Variants in SLC12A7 observed in about 807,000 individuals in gnomAD.
The protein encoded by SLC12A7 is solute carrier family 12 member 7, also known as K-Cl cotransporter 4.
In SLC12A7, 100 loss-of-function variants were observed where a neutral mutation model predicts 120.6. That is an observed-to-expected ratio of 0.83 (90% CI 0.71 to 0.98). SLC12A7 has a LOEUF of 0.98. SLC12A7 is among the 50% of genes least tolerant of loss of function. The probability of loss-of-function intolerance (pLI) is 0.00; values close to 1 mark genes in which losing one functional copy is unlikely to be tolerated. For missense variants in SLC12A7, 1,373 were observed against 1,548.1 expected, an observed-to-expected ratio of 0.89 and a Z score of 1.90; for synonymous variants, 760 against 678.0, an observed-to-expected ratio of 1.12 and a Z score of -1.88.
At chr5:1,104,242 A>C (rs976231424) in intron 1 of SLC12A7, among the ~76,000 whole-genome samples, 1 of 152,212 alleles carries the variant, frequency 6.6e-6, no homozygotes, top group Admixed American at 6.5e-5. Flanking sequence ...AGAGCCAAGG[A>C]GATGAGAGGT....
chr5:1,104,868 C>T (rs1387654325), intron 1 of SLC12A7, among the ~76,000 whole-genome samples: 1 of 152,250 alleles, frequency 6.6e-6, no homozygotes, highest in African/African-American at 2.4e-5. Context: ...CGTCACAGCC[C>T]AGGGCCGCAA....
intron 1 of SLC12A7, among the ~76,000 whole-genome samples, chr5:1,104,004 C>T (rs1348612484): frequency 6.6e-6 from 1 of 152,234 alleles, no homozygotes; most frequent in Non-Finnish European, 1.5e-5. Context: ...AGGCAGGGCC[C>T]CCAGCGCACC....
intron 12 of SLC12A7, 145 bp from the exon 13 acceptor site, chr5:1,076,957 G>A (rs920543520): frequency 9.2e-6 from 6 of 650,474 alleles, no homozygotes; most frequent in Admixed American, 2.3e-5. Flanking sequence ...GGGACATCAC[G>A]CGGCTGGCCT....
intron 9 of SLC12A7, among the ~76,000 whole-genome samples, chr5:1,081,069 GAGAGAGAC>G (rs1160473121): frequency 3.5e-5 from 1 of 28,956 alleles, no homozygotes; most frequent in African/African-American, 4.5e-5. Context: ...CAGAGAGAGA[GAGAGAGAC>G]AGACAGAGAG....
the SLC12A7 span, among the ~76,000 whole-genome samples, chr5:1,130,645 G>C: frequency 8.9e-6 from 1 of 112,212 alleles, no homozygotes; most frequent in Non-Finnish European, 2.0e-5. Context: ...GGGAGGGCGT[G>C]CTGCATTCTT....
At chr5:1,087,382 T>C (rs1739985163) in intron 5 of SLC12A7, among the ~76,000 whole-genome samples, 1 of 152,206 alleles carries the variant, frequency 6.6e-6, no homozygotes, top group Non-Finnish European at 1.5e-5. Context: ...GTTTTGCTTA[T>C]GAAAAAGGCA....
At chr5:1,118,966 C>T in the SLC12A7 span, among the ~76,000 whole-genome samples, 1 of 152,160 alleles carries the variant, frequency 6.6e-6, no homozygotes, top group African/African-American at 2.4e-5. Context: ...GCACCCAGAG[C>T]CAGACCTCCC....
chr5:1,104,619 G>A (rs75762732), intron 1 of SLC12A7, among the ~76,000 whole-genome samples: 2 of 152,198 alleles, frequency 1.3e-5, no homozygotes, highest in Non-Finnish European at 2.9e-5. Flanking sequence ...AGGCCTGGGC[G>A]GGGCCCACTC....
intron 5 of SLC12A7, among the ~76,000 whole-genome samples, chr5:1,087,587 C>A (rs770434993): frequency 6.6e-6 from 1 of 152,186 alleles, no homozygotes; most frequent in Non-Finnish European, 1.5e-5. Context: ...CCCTTGGCTG[C>A]GGAGGGAGAC....
the SLC12A7 span, among the ~76,000 whole-genome samples, chr5:1,149,885 C>T: frequency 2.0e-5 from 3 of 152,104 alleles, no homozygotes; most frequent in African/African-American, 7.2e-5. Flanking sequence ...AAAAAATTAG[C>T]TGGGCATGGT....
the SLC12A7 span, among the ~76,000 whole-genome samples, chr5:1,152,373 G>A: frequency 9.9e-5 from 15 of 152,242 alleles, no homozygotes; most frequent in Non-Finnish European, 1.9e-4. Flanking sequence ...TGCTGAGCAG[G>A]AAGTGGCACC....
chr5:1,086,520 C>T (rs916995019), intron 6 of SLC12A7, among the ~76,000 whole-genome samples: 1 of 152,206 alleles, frequency 6.6e-6, no homozygotes, highest in Non-Finnish European at 1.5e-5. Context: ...CGGCCAAGTG[C>T]CCAGATCAGG....
At chr5:1,110,821 C>T (rs905939800) in intron 1 of SLC12A7, among the ~76,000 whole-genome samples, 1 of 152,232 alleles carries the variant, frequency 6.6e-6, no homozygotes, top group Non-Finnish European at 1.5e-5. Flanking sequence ...TCGCCCGCCA[C>T]GGGGACCCTG....
rs374801750 is a variant in SLC12A7 at position 1,087,038 on chromosome 5, G to A, written c.545-5C>T. 4.6e-5 allele frequency: 74 copies of A among 1,609,800 alleles called. No homozygotes were observed. Among genetic ancestry groups the A allele is most frequent in the African/African-American group, 4.3e-4 (32 of 74,974 alleles). The stretch of plus-strand genomic sequence containing the variant: ...TCATGTAGTAGGACCCGCCAGCTGC[G>A]GAGACAAAGGCGGCAGCCGCGGGTC... On this transcript the variant is annotated splice_polypyrimidine_tract_variant and splice_region_variant and intron_variant, in intron 5 of 23. Transcript: ENST00000264930.
At chr5:1,119,454 G>T in the SLC12A7 span, among the ~76,000 whole-genome samples, 1 of 152,220 alleles carries the variant, frequency 6.6e-6, no homozygotes, top group Non-Finnish European at 1.5e-5. Context: ...TCCCTGCCCG[G>T]GTGACGCCGA....
At chr5:1,078,494 T>G in intron 11 of SLC12A7, 1 of 611,262 alleles carries the variant, frequency 1.6e-6, no homozygotes, top group Non-Finnish European at 3.0e-6. Flanking sequence ...GGGCTTGGAG[T>G]TGGCTCTGAA....
At chr5:1,095,491 C>G (rs1741039915) in intron 1 of SLC12A7, among the ~76,000 whole-genome samples, 1 of 152,246 alleles carries the variant, frequency 6.6e-6, no homozygotes, top group South Asian at 2.1e-4. Context: ...CACACCAGCT[C>G]CCCAGACTGG....
At chr5:1,077,062 C>CCA (rs957308674) in intron 12 of SLC12A7, among the ~76,000 whole-genome samples, 3 of 151,776 alleles carry the variant, frequency 2.0e-5, no homozygotes, top group Non-Finnish European at 4.4e-5. Context: ...CAGCCTGCCC[C>CCA]CCCGCCTCAG....
rs146019944 is a variant in SLC12A7 at position 1,073,688 on chromosome 5, G to A, written c.2186C>T (p.Ser729Leu). 1.7e-4 allele frequency: 268 copies of A among 1,589,350 alleles called. 2 individuals carry two copies. In the African/African-American group the frequency reaches 2.3e-3, roughly 13 times the overall value. ...KAGKGLTIVG[S>L]VLEGTYLDKH... is the part of the protein sequence containing the mutation. The stretch of plus-strand genomic sequence containing the variant: ...GTCCAGGTACGTCCCCTCCAGCACC[G>A]AGCCCACGATGGTCAGGCCCTTGCC... Residue 729 changes from serine to leucine, a missense_variant, in exon 17 of 24, where the codon TCG (serine) becomes TTG (leucine). Physicochemically the swap from Ser to Leu is moderately radical, Grantham distance 145 (BLOSUM62 -2). Coordinates refer to ENST00000264930, the MANE Select transcript of SLC12A7 (RefSeq NM_006598.3).
Sources: allele counts gnomAD v4.1 joint callset (sites outside exome capture counted in the v4.1 genomes callset), GRCh38; gene constraint gnomAD v4.1.1; transcripts MANE v1.5; gene names NCBI Gene and HGNC (gene_info 2026-07-23, HGNC 2026-07-21).